The following FBLIM1 variants were observed in gnomAD, a reference collection of about 807,000 sequenced individuals.
The protein encoded by FBLIM1 is filamin binding LIM protein 1.
A neutral mutation model predicts 37.4 loss-of-function variants in FBLIM1; 29 were observed. That is an observed-to-expected ratio of 0.77 (90% CI 0.58 to 1.06). The LOEUF is 1.06. Among genes scored for constraint, FBLIM1 ranks in the 50% least tolerant of loss-of-function variants. The probability of loss-of-function intolerance (pLI) is 0.00; values close to 1 mark genes in which losing one functional copy is unlikely to be tolerated. For missense variants in FBLIM1, 449 were observed against 505.6 expected (o/e 0.89, Z 1.07); for synonymous variants, 193 against 199.0 (o/e 0.97, Z 0.25).
rs148653658 is a variant in FBLIM1 at position 15,781,409 on chromosome 1, G to T, written c.1009-3139G>T. Among the ~76,000 whole-genome samples the T allele has an allele frequency of 9.4e-3, 1,419 of 151,714 alleles. 9 individuals are homozygous for T. Among genetic ancestry groups the T allele is most frequent in the Middle Eastern group, 0.037 (11 of 294 alleles). On this transcript the variant is annotated intron_variant, in intron 8 of 8. Coordinates refer to ENST00000375766, the MANE Select transcript of FBLIM1 (RefSeq NM_017556.4). Reference sequence around the variant, plus strand: ...CACACCTGTAGTCCCAGCTACTTGGGAGGTTGAGGCAGGAGAATCACTTGA... The same window carrying T: ...CACACCTGTAGTCCCAGCTACTTGGTAGGTTGAGGCAGGAGAATCACTTGA...
intron 4 of FBLIM1, 142 bp from the exon 5 acceptor site, chr1:15,768,386 C>G (rs1021245866): frequency 9.1e-5 from 48 of 530,102 alleles, no homozygotes; most frequent in Non-Finnish European, 1.5e-4. Context: ...GAGAGACTTA[C>G]GCAGGTCCCT....
chr1:15,760,230 A>T (rs1225040320), intron 1 of FBLIM1, among the ~76,000 whole-genome samples: 2 of 146,704 alleles, frequency 1.4e-5, no homozygotes, highest in Non-Finnish European at 3.0e-5. Context: ...AAAATAAATA[A>T]ATAAATAACA....
At chr1:15,772,420 C>T (rs1054024936) in intron 6 of FBLIM1, among the ~76,000 whole-genome samples, 1 of 152,022 alleles carries the variant, frequency 6.6e-6, no homozygotes, top group African/African-American at 2.4e-5. Flanking sequence ...AGGAGGAAGA[C>T]TTGAGCAGTG....
chr1:15,784,305 ATGTC>A (rs1404930201), intron 8 of FBLIM1, among the ~76,000 whole-genome samples: 10 of 152,144 alleles, frequency 6.6e-5, no homozygotes, highest in African/African-American at 2.2e-4. Context: ...CTGACGGTGA[ATGTC>A]TGTCCTCACC....
In FBLIM1 at chr1:15,765,219, A is replaced by C; in HGVS notation, c.236A>C (p.Gln79Pro). 3 of 1,612,506 alleles carry C rather than the reference A, an allele frequency of 1.9e-6. No homozygotes were observed. The African/African-American group carries it at 4.0e-5, about 21-fold the overall frequency. ...AAATVPAAPM[Q>P]LFNGGCPPPP... Reference sequence around the variant, plus strand: ...GCCACAGTGCCGGCTGCACCTATGCAGCTCTTCAATGGAGGTAAGAGCTGA... The same window carrying C: ...GCCACAGTGCCGGCTGCACCTATGCCGCTCTTCAATGGAGGTAAGAGCTGA... The change falls in exon 3 of 9, where the codon CAG becomes CCG. Residue 79 changes from glutamine (Q) to proline (P), a missense_variant. Coordinates refer to ENST00000375766, the MANE Select transcript of FBLIM1 (RefSeq NM_017556.4). The surrounding 1 kb of genome is among the most constrained non-coding windows in gnomAD (Gnocchi z 5.9).
At chr1:15,779,496 T>G (rs768077526) in intron 8 of FBLIM1, among the ~76,000 whole-genome samples, 3 of 150,806 alleles carry the variant, frequency 2.0e-5, no homozygotes, top group Non-Finnish European at 4.4e-5. Flanking sequence ...AGAGATGAGA[T>G]TTCACCACGT....
At chr1:15,781,960 C>T (rs538288608) in intron 8 of FBLIM1, among the ~76,000 whole-genome samples, 3 of 151,874 alleles carry the variant, frequency 2.0e-5, no homozygotes, top group South Asian at 2.1e-4. Context: ...CCTCGTGATC[C>T]GCCCACCTCA....
At chr1:15,762,278 T>G (rs2068709090) in intron 1 of FBLIM1, among the ~76,000 whole-genome samples, 2 of 122,714 alleles carry the variant, frequency 1.6e-5, no homozygotes, top group African/African-American at 6.6e-5. Context: ...TTTTTTTTTT[T>G]TTTGAGACAG....
chr1:15,763,164 G>A (rs2068755699), intron 1 of FBLIM1, among the ~76,000 whole-genome samples: 1 of 151,774 alleles, frequency 6.6e-6, no homozygotes, highest in Admixed American at 6.6e-5. Context: ...CACTCCCACG[G>A]GTTCAAGTGA....
intron 6 of FBLIM1, among the ~76,000 whole-genome samples, chr1:15,774,289 G>T (rs1010739706): frequency 6.6e-6 from 1 of 152,126 alleles, no homozygotes; most frequent in African/African-American, 2.4e-5. Context: ...ATTCTCCTGA[G>T]AATTCCTTTT....
chr1:15,776,450 C>T (rs1328467234), intron 7 of FBLIM1, among the ~76,000 whole-genome samples: 2 of 152,136 alleles, frequency 1.3e-5, no homozygotes, highest in Non-Finnish European at 2.9e-5. Flanking sequence ...AAGCCCAGAC[C>T]TCGGGGTCTG....
chr1:15,778,635 G>A (rs1352751855), intron 8 of FBLIM1, among the ~76,000 whole-genome samples: 2 of 75,852 alleles, frequency 2.6e-5, no homozygotes, highest in African/African-American at 1.1e-4. Flanking sequence ...GGAAGTGGAA[G>A]CTTCTTTTTC....
In FBLIM1 at chr1:15,785,583, T is replaced by G. The variant is rs1440069173; in HGVS notation, c.*922T>G. 2 of 151,910 alleles carry G rather than the reference T, an allele frequency of 1.3e-5. No homozygotes were observed. Among genetic ancestry groups the G allele is most frequent in the Admixed American group, 6.6e-5 (1 of 15,224 alleles). The allele number at this position is 151,910 out of a possible 1,614,324, so 9.4% of individuals were successfully genotyped here. A position where few individuals can be genotyped will look rare whatever the true frequency, so the allele number is the denominator to read the frequency against. ...CCGGGAGGCAGAGGTTGCAGTGAGC[T>G]GAGATGGCACCACTGCACTCCAGCC... is the stretch of plus-strand genomic sequence containing the variant. On this transcript the variant is annotated 3_prime_UTR_variant, in exon 9 of 9. Coordinates refer to ENST00000375766, the MANE Select transcript of FBLIM1 (RefSeq NM_017556.4).
Position 15,777,288 on chromosome 1 carries a change from G to A in FBLIM1, c.1008+1G>A. 1.2e-6 allele frequency: 2 copies of A among 1,607,824 alleles called. No individual in the cohort carries two copies. Among genetic ancestry groups the A allele is most frequent in the Non-Finnish European group, 1.7e-6 (2 of 1,174,726 alleles). On this transcript the variant is annotated splice_donor_variant, in intron 8 of 8. Coordinates refer to ENST00000375766, the MANE Select transcript of FBLIM1 (RefSeq NM_017556.4). LOFTEE classifies it high-confidence loss of function. The stretch of plus-strand genomic sequence containing the variant: ...CCATGAAAATTGCTACAGGTGTGAG[G>A]TGAGTGGAGCCTAGGTGGTTTAATA...
chr1:15,784,388 CGGGTGTTGGGA>C (rs201145634), intron 8 of FBLIM1, among the ~76,000 whole-genome samples, 149 bp from the exon 9 acceptor site: 2 of 152,108 alleles, frequency 1.3e-5, no homozygotes, highest in East Asian at 3.9e-4. Flanking sequence ...AGACCTGGCC[CGGGTGTTGGGA>C]GGGCAGCAGT....
chr1:15,767,996 G>A (rs571560700), intron 4 of FBLIM1, among the ~76,000 whole-genome samples: 1 of 152,236 alleles, frequency 6.6e-6, no homozygotes, highest in African/African-American at 2.4e-5. Context: ...CGATTCTCCT[G>A]CCATAGTCTC....
At position 15,758,895 on chromosome 1, in the gene FBLIM1, C is replaced by T. The variant is rs1308068230; in HGVS notation, c.-211+47C>T. On this transcript the variant is annotated intron_variant, in intron 1 of 8. Coordinates refer to ENST00000375766, the MANE Select transcript of FBLIM1 (RefSeq NM_017556.4). This position sits in a 1 kb window ranked among gnomAD's most constrained non-coding sequence, Gnocchi z 6.2. ...GGGTCGCGTCCCTCCGTCCCTGTCCCCGGTGCACACAGGTGACAGCGCCGG... is the reference window on the plus strand; with the variant it reads ...GGGTCGCGTCCCTCCGTCCCTGTCCTCGGTGCACACAGGTGACAGCGCCGG... 1.3e-5 allele frequency: 2 copies of T among 152,132 alleles called. No homozygotes were observed. Among genetic ancestry groups the T allele is most frequent in the East Asian group, 1.9e-4 (1 of 5,140 alleles). 9.4% of individuals were successfully genotyped at this position (152,132 alleles called of 1,614,324 possible). A position where few individuals can be genotyped will look rare whatever the true frequency, so the allele number is the denominator to read the frequency against.
chr1:15,777,528 T>G (rs575640812), intron 8 of FBLIM1, among the ~76,000 whole-genome samples: 1 of 151,562 alleles, frequency 6.6e-6, no homozygotes, highest in South Asian at 2.1e-4. Context: ...CTCATGGTGC[T>G]GGGATCACTG....
At position 15,774,693 on chromosome 1, in the gene FBLIM1, C is replaced by A. The variant is rs1202690482; in HGVS notation, c.787C>A (p.His263Asn). 6.2e-7 allele frequency: 1 copy of A among 1,614,124 alleles called. No homozygotes were observed. Among genetic ancestry groups the A allele is most frequent in the Admixed American group, 1.7e-5 (1 of 60,016 alleles). The change falls in exon 7 of 9, where the codon CAC becomes AAC. Residue 263 changes from histidine (H) to asparagine (N), a missense_variant. Physicochemically the swap from His to Asn is moderately conservative, Grantham distance 68 (BLOSUM62 1). Transcript: ENST00000375766. ...HIIRALGQAF[H>N]PSCFTCVTCA... ...CATCAGGGCCCTGGGCCAGGCCTTCCACCCCTCCTGCTTCACGTGTGTGAC... is the reference window on the plus strand; with the variant it reads ...CATCAGGGCCCTGGGCCAGGCCTTCAACCCCTCCTGCTTCACGTGTGTGAC...
Sources: allele counts gnomAD v4.1 joint callset (sites outside exome capture counted in the v4.1 genomes callset), GRCh38; gene constraint gnomAD v4.1.1; non-coding constraint Gnocchi (gnomAD v3.1); transcripts MANE v1.5; gene names NCBI Gene and HGNC (gene_info 2026-07-23, HGNC 2026-07-21).